The following LRRC4C variants were observed in gnomAD, a reference collection of about 807,000 sequenced individuals.
LRRC4C encodes the protein leucine-rich repeat-containing protein 4C.
Under a neutral mutation model 33.6 loss-of-function variants are expected in LRRC4C, and 5 were observed. The observed-to-expected ratio is 0.15, with a 90% CI of 0.08 to 0.31. LRRC4C has a LOEUF of 0.31. Ranked by LOEUF, LRRC4C falls within the 10% of genes least tolerant of loss-of-function variation. The probability of loss-of-function intolerance (pLI) is 1.00; values close to 1 mark genes in which losing one functional copy is unlikely to be tolerated. For synonymous variants in LRRC4C, 329 were observed against 302.0 expected (o/e 1.09, Z -0.93); for missense variants, 560 against 796.7 (o/e 0.70, Z 3.58).
intron 4 of LRRC4C, among the ~76,000 whole-genome samples, chr11:40,255,729 A>T (rs1353066737): frequency 6.6e-6 from 1 of 152,164 alleles, no homozygotes; most frequent in African/African-American, 2.4e-5. Flanking sequence ...GAGTTGTTCT[A>T]GCCTTAGGAT....
Position 40,116,151 on chromosome 11 carries a change from G to A in LRRC4C, c.142C>T (p.Pro48Ser), listed in dbSNP as rs769691883. The change falls in exon 7 of 7, where the codon CCT becomes TCT. Residue 48 changes from proline to serine, a missense_variant. Pro to Ser is a moderately conservative substitution (Grantham distance 74, BLOSUM62 -1). This residue lies in a region of LRRC4C where 455 missense variants were observed against 643.8 expected (regional missense o/e 0.71). Coordinates refer to ENST00000528697, the MANE Select transcript of LRRC4C (RefSeq NM_001258419.2). The part of the protein sequence containing the change: ...VAGLVRAQTC[P>S]SVCSCSNQFS... ...TGGTTGCTGCAGGAGCACACAGAAG[G>A]GCAGGTCTGAGCCCGCACCAGACCA... The A allele has an allele frequency of 2.5e-6, 4 of 1,613,874 alleles. No individual in the cohort carries two copies. Among genetic ancestry groups the A allele is most frequent in the Non-Finnish European group, 3.4e-6 (4 of 1,179,970 alleles).
chr11:41,371,295 A>C (rs1279229552), intron 1 of LRRC4C, among the ~76,000 whole-genome samples: 1 of 152,200 alleles, frequency 6.6e-6, no homozygotes, highest in African/African-American at 2.4e-5. Context: ...GACCGATAGG[A>C]AGACAGATGA....
intron 3 of LRRC4C, among the ~76,000 whole-genome samples, chr11:40,582,528 T>C (rs1958516668): frequency 6.7e-6 from 1 of 150,050 alleles, no homozygotes; most frequent in Non-Finnish European, 1.5e-5. Flanking sequence ...TTTTTTTTTT[T>C]TTTTTTTAAT....
chr11:41,136,816 A>T (rs1943282711), intron 1 of LRRC4C, among the ~76,000 whole-genome samples: 1 of 152,172 alleles, frequency 6.6e-6, no homozygotes, highest in Admixed American at 6.5e-5. Context: ...GCACTTAGCC[A>T]CTGCCTATAA....
intron 3 of LRRC4C, among the ~76,000 whole-genome samples, chr11:40,497,460 C>T (rs1344450846): frequency 1.3e-5 from 2 of 151,906 alleles, no homozygotes; most frequent in South Asian, 2.1e-4. Context: ...TTAAGCACAT[C>T]GTTTTCATGG....
At chr11:40,121,439 T>A (rs192382057) in intron 6 of LRRC4C, among the ~76,000 whole-genome samples, 17 of 152,338 alleles carry the variant, frequency 1.1e-4, no homozygotes, top group Admixed American at 7.2e-4. Context: ...TACTTTAATA[T>A]CTAAATTATG....
intron 3 of LRRC4C, among the ~76,000 whole-genome samples, chr11:40,499,107 A>C (rs1954615689): frequency 6.6e-6 from 1 of 152,180 alleles, no homozygotes; most frequent in Non-Finnish European, 1.5e-5. Flanking sequence ...AAACTATTTT[A>C]AGTGGGCTTG....
intron 2 of LRRC4C, among the ~76,000 whole-genome samples, chr11:40,875,568 C>T (rs1347330686): frequency 6.6e-6 from 1 of 152,028 alleles, no homozygotes; most frequent in Non-Finnish European, 1.5e-5. Context: ...TAAATTTATG[C>T]AAGTATTCCA....
chr11:40,320,735 G>T (rs1228528232), intron 3 of LRRC4C, among the ~76,000 whole-genome samples: 1 of 152,062 alleles, frequency 6.6e-6, no homozygotes, highest in Non-Finnish European at 1.5e-5. Context: ...GTACAAAATT[G>T]CCACTAAGGA....
intron 3 of LRRC4C, among the ~76,000 whole-genome samples, chr11:40,604,665 G>A (rs111657058): frequency 6.6e-6 from 1 of 151,880 alleles, no homozygotes; most frequent in Non-Finnish European, 1.5e-5. Flanking sequence ...ATGTTTTATG[G>A]TCAAATGAAC....
chr11:41,289,622 C>A (rs1470401624), intron 1 of LRRC4C, among the ~76,000 whole-genome samples: 2 of 152,162 alleles, frequency 1.3e-5, no homozygotes, highest in African/African-American at 4.8e-5. Flanking sequence ...AGGCCATCCA[C>A]AAGACAGGAA....
chr11:40,741,935 A>G (rs1948175432), intron 2 of LRRC4C, among the ~76,000 whole-genome samples: 1 of 152,060 alleles, frequency 6.6e-6, no homozygotes, highest in African/African-American at 2.4e-5. Flanking sequence ...CTTCTCATCT[A>G]AGAGTATGGA....
At chr11:40,614,599 G>A (rs1261005091) in intron 3 of LRRC4C, among the ~76,000 whole-genome samples, 1 of 151,402 alleles carries the variant, frequency 6.6e-6, no homozygotes, top group African/African-American at 2.4e-5. Flanking sequence ...GTGGCTGTTT[G>A]GCACAAGAGG....
chr11:40,559,742 G>T (rs1957473838), intron 3 of LRRC4C, among the ~76,000 whole-genome samples: 1 of 151,930 alleles, frequency 6.6e-6, no homozygotes, highest in African/African-American at 2.4e-5. Flanking sequence ...ACTTTTAATG[G>T]TATGACTACC....
chr11:40,678,200 C>T (rs780230016), intron 2 of LRRC4C, among the ~76,000 whole-genome samples: 35 of 151,416 alleles, frequency 2.3e-4, no homozygotes, highest in Middle Eastern at 3.4e-3. Context: ...AAAGGTATAT[C>T]GTGTAATACT....
chr11:40,904,912 A>G (rs12270480), intron 2 of LRRC4C, among the ~76,000 whole-genome samples: 1 of 152,114 alleles, frequency 6.6e-6, no homozygotes, highest in Non-Finnish European at 1.5e-5. Context: ...GAAGCCAGCC[A>G]GTGAGACATG....
At chr11:40,611,415 A>C (rs1406231618) in intron 3 of LRRC4C, among the ~76,000 whole-genome samples, 2 of 151,916 alleles carry the variant, frequency 1.3e-5, no homozygotes, top group African/African-American at 4.8e-5. Flanking sequence ...TAAAACTCTC[A>C]TTAGAAAATG....
rs144190723 is a variant in LRRC4C, at chr11:40,567,894, A to C, written c.-270+80248T>G. On this transcript the variant is annotated intron_variant, in intron 3 of 6. Coordinates refer to ENST00000528697, the MANE Select transcript of LRRC4C (RefSeq NM_001258419.2). ...TACTTTTTCTGATGTTTAGTTTCTC[A>C]TGAAATCCCCCTTTACCTCAAAGCT... is the stretch of plus-strand genomic sequence containing the variant. Among the ~76,000 whole-genome samples, 12 of 152,286 alleles carry C rather than the reference A, an allele frequency of 7.9e-5. No individual in the cohort carries two copies. The East Asian group carries it at 2.3e-3, about 29-fold the overall frequency.
intron 3 of LRRC4C, among the ~76,000 whole-genome samples, chr11:40,345,074 T>C (rs1947061368): frequency 6.6e-6 from 1 of 152,148 alleles, no homozygotes; most frequent in African/African-American, 2.4e-5. Flanking sequence ...CTGGCCACAC[T>C]GCCCAAAGTA....
Sources: allele counts gnomAD v4.1 joint callset (sites outside exome capture counted in the v4.1 genomes callset), GRCh38; gene constraint gnomAD v4.1.1; regional missense constraint gnomAD v4.1.1; transcripts MANE v1.5; gene names NCBI Gene and HGNC (gene_info 2026-07-23, HGNC 2026-07-21).